Variants in SPAST observed in about 807,000 individuals in gnomAD.
SPAST encodes the protein spastic paraplegia 4 (autosomal dominant; spastin).
A neutral mutation model predicts 76.6 loss-of-function variants in SPAST; 30 were observed. The observed-to-expected ratio is 0.39, with a 90% CI of 0.29 to 0.53. The LOEUF (loss-of-function observed/expected upper bound fraction) is 0.53, where lower values mean the gene tolerates loss of function less well. Ranked by LOEUF, SPAST falls within the 20% of genes least tolerant of loss-of-function variation. The probability of loss-of-function intolerance (pLI) is 0.68; values close to 1 mark genes in which losing one functional copy is unlikely to be tolerated. For synonymous variants in SPAST, 305 were observed against 281.0 expected, an observed-to-expected ratio of 1.09 and a Z score of -0.86; for missense variants, 717 against 770.5, an observed-to-expected ratio of 0.93 and a Z score of 0.82.
chr2:32,112,678 A>C (rs1459429173), intron 4 of SPAST, among the ~76,000 whole-genome samples: 3 of 152,050 alleles, frequency 2.0e-5, no homozygotes, highest in Non-Finnish European at 4.4e-5. Flanking sequence ...TTTAACTTGA[A>C]TTTTATTTAT....
At chr2:32,135,261 C>G (rs1049517297) in intron 9 of SPAST, among the ~76,000 whole-genome samples, 7 of 151,678 alleles carry the variant, frequency 4.6e-5, no homozygotes, top group African/African-American at 1.2e-4. Context: ...TCCCGAGTAG[C>G]TGGGACTACA....
intron 4 of SPAST, among the ~76,000 whole-genome samples, chr2:32,103,265 T>C (rs763036397): frequency 2.6e-5 from 4 of 152,224 alleles, no homozygotes; most frequent in Non-Finnish European, 5.9e-5. Context: ...GAGGTGTTTA[T>C]AGTATTCTCT....
At position 32,108,090 on chromosome 2, in the gene SPAST, T is replaced by C. The variant is rs543010335; in HGVS notation, c.683-6548T>C. Among the ~76,000 whole-genome samples, 4 of 152,080 alleles carry C rather than the reference T, an allele frequency of 2.6e-5. No individual in the cohort carries two copies. In the South Asian group the frequency reaches 8.3e-4, roughly 31 times the overall value. Reference sequence around the variant, plus strand: ...TAGAAACTGTGAGTGGGCCCAGATATTGGATTTAGCAGACAAAGACTTCAA... The same window carrying C: ...TAGAAACTGTGAGTGGGCCCAGATACTGGATTTAGCAGACAAAGACTTCAA... On this transcript the variant is annotated intron_variant, in intron 4 of 16. Coordinates refer to ENST00000315285, the MANE Select transcript of SPAST (RefSeq NM_014946.4).
chr2:32,135,012 C>T lies in SPAST; in HGVS notation c.1246-1551C>T, dbSNP rs983402694. ...CACCCGGCCTCTAGCGTAACTTTTA[C>T]ATCCTGAACTGACCTTAAGAAAGTA... On this transcript the variant is annotated intron_variant, in intron 9 of 16. Coordinates refer to ENST00000315285, the MANE Select transcript of SPAST (RefSeq NM_014946.4). 2.0e-4 allele frequency among the ~76,000 whole-genome samples: 30 copies of T among 151,770 alleles called. 1 individual carries two copies. Among genetic ancestry groups the T allele is most frequent in the African/African-American group, 6.5e-4 (27 of 41,404 alleles).
chr2:32,108,520 A>G (rs556661396), intron 4 of SPAST, among the ~76,000 whole-genome samples: 1 of 151,938 alleles, frequency 6.6e-6, no homozygotes, highest in African/African-American at 2.4e-5. Flanking sequence ...TTATTTATAT[A>G]TTTATTTTTT....
intron 3 of SPAST, among the ~76,000 whole-genome samples, chr2:32,098,051 G>T (rs996889671): frequency 1.1e-4 from 17 of 151,996 alleles, no homozygotes; most frequent in African/African-American, 4.1e-4. Context: ...CACTTGCTCT[G>T]TAAAGCTTTT....
chr2:32,142,049 A>G (rs1679738613), intron 13 of SPAST, 103 bp downstream of exon 13: 1 of 918,238 alleles, frequency 1.1e-6, no homozygotes. Flanking sequence ...ACTTTGGAAA[A>G]CAGTTTAGTG....
Position 32,143,359 on chromosome 2 carries a change from T to G in SPAST, c.1560T>G (p.Asn520Lys). ...NEETRLLLLKNLLCKQGSPLT... is the reference protein window; with the variant it reads ...NEETRLLLLKKLLCKQGSPLT... The stretch of plus-strand genomic sequence containing the variant: ...AGACAAGACTACTTTTGCTTAAAAA[T>G]CTGTTATGTAAACAAGGAAGTCCAT... Residue 520 changes from asparagine to lysine, a missense_variant, in exon 14 of 17, where the codon AAT becomes AAG. Physicochemically the swap from Asn to Lys is moderately conservative, Grantham distance 94 (BLOSUM62 0). This residue lies in a region of SPAST where 96 missense variants were observed against 127.6 expected (regional missense o/e 0.75). Coordinates refer to ENST00000315285, the MANE Select transcript of SPAST (RefSeq NM_014946.4). 2.5e-6 allele frequency: 4 copies of G among 1,602,910 alleles called. No homozygotes were observed. Among genetic ancestry groups the G allele is most frequent in the African/African-American group, 2.7e-5 (2 of 74,848 alleles).
At chr2:32,123,007 A>G (rs1241850400) in intron 7 of SPAST, among the ~76,000 whole-genome samples, 4 of 152,194 alleles carry the variant, frequency 2.6e-5, no homozygotes, top group African/African-American at 9.6e-5. Context: ...CACACCTGTA[A>G]TCCCAGCACT....
At chr2:32,124,804 T>C (rs780086803) in intron 7 of SPAST, among the ~76,000 whole-genome samples, 25 of 152,282 alleles carry the variant, frequency 1.6e-4, no homozygotes, top group Admixed American at 6.5e-4. Context: ...GAGGCTACAC[T>C]ATAGGATTCT....
intron 1 of SPAST, among the ~76,000 whole-genome samples, chr2:32,071,157 A>C (rs1351441528): frequency 1.3e-5 from 2 of 152,178 alleles, no homozygotes; most frequent in Non-Finnish European, 2.9e-5. Flanking sequence ...TGGGTAACAC[A>C]ATGGTGGAGG....
At chr2:32,151,014 G>T (rs776736058) in intron 16 of SPAST, among the ~76,000 whole-genome samples, 29 of 147,922 alleles carry the variant, frequency 2.0e-4, no homozygotes, top group Non-Finnish European at 3.4e-4. Context: ...GTGCAATCTC[G>T]GCTCACTGCA....
intron 3 of SPAST, among the ~76,000 whole-genome samples, chr2:32,093,859 G>A (rs374176672): frequency 7.2e-5 from 11 of 152,118 alleles, no homozygotes; most frequent in African/African-American, 2.2e-4. Context: ...CCAATTTGCC[G>A]ACATCAAAAT....
At position 32,079,729 on chromosome 2, in the gene SPAST, T is replaced by G. The variant is rs549549824; in HGVS notation, c.416-7763T>G. On this transcript the variant is annotated intron_variant, in intron 1 of 16. Coordinates refer to ENST00000315285, the MANE Select transcript of SPAST (RefSeq NM_014946.4). ...GTGCACCATCATGCCTGGCTAATTT[T>G]TGTACTTTTTGTAGAGATAGGGTTT... Among the ~76,000 whole-genome samples, 5 of 152,056 alleles carry G rather than the reference T, an allele frequency of 3.3e-5. No homozygotes were observed. In the South Asian group the frequency reaches 8.3e-4, roughly 25 times the overall value.
At chr2:32,101,134 G>C (rs909209241) in intron 4 of SPAST, among the ~76,000 whole-genome samples, 6 of 152,182 alleles carry the variant, frequency 3.9e-5, no homozygotes, top group African/African-American at 1.2e-4. Context: ...TGTTTCCTGA[G>C]TTTTTAATGA....
At chr2:32,135,424 C>T (rs954099418) in intron 9 of SPAST, among the ~76,000 whole-genome samples, 2 of 152,102 alleles carry the variant, frequency 1.3e-5, no homozygotes, top group African/African-American at 2.4e-5. Flanking sequence ...CCGCCGCGCC[C>T]GGCCTAGAAT....
At chr2:32,106,511 A>G (rs929901466) in intron 4 of SPAST, among the ~76,000 whole-genome samples, 1 of 152,252 alleles carries the variant, frequency 6.6e-6, no homozygotes, top group African/African-American at 2.4e-5. Context: ...TTGGAAATGC[A>G]GAAATCAGCT....
At chr2:32,081,402 G>T (rs1247649840) in intron 1 of SPAST, among the ~76,000 whole-genome samples, 1 of 152,146 alleles carries the variant, frequency 6.6e-6, no homozygotes, top group South Asian at 2.1e-4. Context: ...CTGTGGCTCA[G>T]TTCTTAACTG....
intron 1 of SPAST, among the ~76,000 whole-genome samples, chr2:32,085,206 T>TC (rs1677425008): frequency 4.2e-5 from 2 of 48,004 alleles, no homozygotes; most frequent in African/African-American, 7.7e-5. Flanking sequence ...CTTCTTCTTC[T>TC]TTTTTTTTTT....
Sources: gnomAD v4.1 joint callset for allele counts (sites outside exome capture counted in the v4.1 genomes callset) on GRCh38, gnomAD v4.1.1 for gene constraint, gnomAD v4.1.1 regional missense constraint, MANE v1.5 for transcripts, NCBI Gene and HGNC (gene_info 2026-07-23, HGNC 2026-07-21) for gene names.